Variants in NUMA1 observed in about 807,000 individuals in gnomAD.
NUMA1 encodes nuclear mitotic apparatus protein 1.
Under a neutral mutation model 237.1 loss-of-function variants are expected in NUMA1, and 62 were observed. The ratio of observed to expected loss-of-function variants is 0.26; its 90% CI spans 0.21 to 0.32. The LOEUF (loss-of-function observed/expected upper bound fraction) is 0.32, where lower values mean the gene tolerates loss of function less well. NUMA1 is among the 10% of genes least tolerant of loss of function. The pLI, the probability that NUMA1 is intolerant of heterozygous loss-of-function variation, is 1.00. For missense variants in NUMA1, 2,533 were observed against 2,666.5 expected, an observed-to-expected ratio of 0.95 and a Z score of 1.10; for synonymous variants, 1,028 against 1,066.1, an observed-to-expected ratio of 0.96 and a Z score of 0.70.
At chr11:72,004,487 C>T in intron 24 of NUMA1, 146 bp from the exon 25 acceptor site, 2 of 1,198,138 alleles carry the variant, frequency 1.7e-6, no homozygotes, top group South Asian at 1.3e-5. Context: ...TCCTTCCCTT[C>T]CCAACAGTTC....
intron 1 of NUMA1, among the ~76,000 whole-genome samples, chr11:72,075,244 C>G (rs1327631744): frequency 6.6e-6 from 1 of 152,110 alleles, no homozygotes; most frequent in Non-Finnish European, 1.5e-5. Context: ...ATGCTGGGGC[C>G]TGGACTCCAC....
At chr11:72,079,370 G>A (rs1943910982) in intron 1 of NUMA1, among the ~76,000 whole-genome samples, 1 of 152,138 alleles carries the variant, frequency 6.6e-6, no homozygotes, top group Admixed American at 6.5e-5. Context: ...GTGAAACCCT[G>A]TGTCTACTAA....
Position 72,015,026 on chromosome 11 carries a change from T to C in NUMA1, c.2477A>G (p.Gln826Arg). 1.2e-6 allele frequency: 2 copies of C among 1,614,144 alleles called. No individual in the cohort carries two copies. Among genetic ancestry groups the C allele is most frequent in the Non-Finnish European group, 1.7e-6 (2 of 1,180,042 alleles). ...RYEDSQQEEA[Q>R]YGAMFQEQLM... ...CTGTTCCTGGAACATGGCGCCATACTGTGCCTCCTCTTGCTGGCTATCCTC... is the reference window on the plus strand; with the variant it reads ...CTGTTCCTGGAACATGGCGCCATACCGTGCCTCCTCTTGCTGGCTATCCTC... Residue 826 changes from glutamine (Q) to arginine (R), a missense_variant, in exon 15 of 27, where the codon CAG becomes CGG. Physicochemically the swap from Gln to Arg is conservative, Grantham distance 43. Coordinates refer to ENST00000393695, the MANE Select transcript of NUMA1 (RefSeq NM_006185.4). The surrounding 1 kb of genome is among the most constrained non-coding windows in gnomAD (Gnocchi z 4.0).
At chr11:72,038,740 G>A (rs933586372) in intron 2 of NUMA1, among the ~76,000 whole-genome samples, 1 of 151,934 alleles carries the variant, frequency 6.6e-6, no homozygotes, top group African/African-American at 2.4e-5. Flanking sequence ...CCATTTCACA[G>A]AAGGATCTGC....
At chr11:72,023,898 A>G (rs969555427) in intron 5 of NUMA1, among the ~76,000 whole-genome samples, 1 of 152,226 alleles carries the variant, frequency 6.6e-6, no homozygotes, top group South Asian at 2.1e-4. Flanking sequence ...CAATTAATTC[A>G]AAGTTATCTG....
intron 13 of NUMA1, 27 bp downstream of exon 13, chr11:72,017,660 G>C (rs199593510): frequency 1.9e-6 from 3 of 1,611,652 alleles, no homozygotes; most frequent in Admixed American, 3.3e-5. Flanking sequence ...GGTCAAGACT[G>C]TGGCTGTGAC....
intron 1 of NUMA1, among the ~76,000 whole-genome samples, chr11:72,078,355 T>C (rs925853062): frequency 6.6e-6 from 1 of 152,248 alleles, no homozygotes; most frequent in Non-Finnish European, 1.5e-5. Context: ...CAAAAGTAAC[T>C]GTGGTTTTTG....
chr11:72,005,980 C>T, intron 22 of NUMA1, 55 bp downstream of exon 22: 5 of 1,398,820 alleles, frequency 3.6e-6, no homozygotes, highest in East Asian at 2.3e-5. Context: ...CCCTGTGCCA[C>T]GATCCACCTT....
Position 72,015,678 on chromosome 11 carries a change from G to A in NUMA1, c.1825C>T (p.Leu609=). Residue 609 remains leucine, a synonymous_variant, in exon 15 of 27, where the codon CTG becomes TTG. Transcript: ENST00000393695. The surrounding 1 kb of genome is among the most constrained non-coding windows in gnomAD (Gnocchi z 4.0). The stretch of plus-strand genomic sequence containing the variant: ...AGCTTGGCAGCCTTCTCCTTCTCCA[G>A]TGCCTCCAGCTGCTTGAGAGCCGCA... ...RDAALKQLEA[L]EKEKAAKLEI... 2 of 1,613,962 alleles carry A rather than the reference G, an allele frequency of 1.2e-6. No individual in the cohort carries two copies. Among genetic ancestry groups the A allele is most frequent in the Non-Finnish European group, 1.7e-6 (2 of 1,180,036 alleles).
rs1314860916 is a variant in NUMA1, at chr11:72,009,201, G to A, written c.4840-16C>T. On this transcript the variant is annotated splice_polypyrimidine_tract_variant and intron_variant, in intron 18 of 26. Transcript: ENST00000393695. ...CTTTCTCCATCTGTGGGCAGAGAGGGTGGGTGGGTGGGGTAGAGGTTGAAG... is the reference window on the plus strand; with the variant it reads ...CTTTCTCCATCTGTGGGCAGAGAGGATGGGTGGGTGGGGTAGAGGTTGAAG... 1 of 658,416 alleles carries A rather than the reference G, an allele frequency of 1.5e-6. No individual in the cohort carries two copies. The highest frequency in any genetic ancestry group is 2.4e-6 in the Non-Finnish European group (1 of 412,896). 40.8% of individuals were successfully genotyped at this position (658,416 alleles called of 1,614,324 possible). A position where few individuals can be genotyped will look rare whatever the true frequency, so the allele number is the denominator to read the frequency against.
At chr11:72,023,836 G>A (rs117490669) in intron 5 of NUMA1, among the ~76,000 whole-genome samples, 372 of 152,232 alleles carry the variant, frequency 2.4e-3, no homozygotes, top group Middle Eastern at 0.01. Flanking sequence ...AAGCAGTGAG[G>A]GGGGTCAAGA....
intron 8 of NUMA1, among the ~76,000 whole-genome samples, chr11:72,019,835 T>C (rs1938496258): frequency 6.6e-6 from 1 of 152,312 alleles, no homozygotes; most frequent in Middle Eastern, 3.4e-3. Context: ...AGGGCTTCCA[T>C]TTCTACAGAG....
rs199958172 is a variant in NUMA1, at chr11:72,019,569, G to T, written c.509C>A (p.Pro170Gln). 6.2e-7 allele frequency: 1 copy of T among 1,614,008 alleles called. No individual in the cohort carries two copies. The highest frequency in any genetic ancestry group is 1.3e-5 in the African/African-American group (1 of 75,064). ...CSSTFPEELSPPSHQAKREIR... is the reference protein window; with the variant it reads ...CSSTFPEELSQPSHQAKREIR... ...CTCCCTCTTGGCCTGGTGGCTAGGT[G>T]GGGAGAGCTCTTCAGGGAATGTGCT... Residue 170 changes from proline to glutamine, a missense_variant, in exon 9 of 27, where the codon CCA becomes CAA. This residue lies in a region of NUMA1 where 1,414 missense variants were observed against 1,508.1 expected (regional missense o/e 0.94). Transcript: ENST00000393695.
intron 8 of NUMA1, chr11:72,020,922 C>T (rs1000526484): frequency 6.1e-6 from 2 of 327,108 alleles, no homozygotes; most frequent in Non-Finnish European, 1.1e-5. Context: ...GCTTCTAAGC[C>T]TAGAGTAATG....
At position 72,060,574 on chromosome 11, in the gene NUMA1, C is replaced by G. The variant is rs367761041; in HGVS notation, c.-33+9268G>C. 3.3e-4 allele frequency among the ~76,000 whole-genome samples: 50 copies of G among 151,910 alleles called. No individual in the cohort carries two copies. The East Asian group carries it at 8.4e-3, about 26-fold the overall frequency. ...GGGAGGACTGCTTGAGCCTGGGAGG[C>G]CAAGGCCGTGGTGAACTGCCATTGT... On this transcript the variant is annotated intron_variant, in intron 2 of 26. Transcript: ENST00000393695.
At chr11:72,059,156 G>C (rs1194093927) in intron 2 of NUMA1, among the ~76,000 whole-genome samples, 2 of 152,144 alleles carry the variant, frequency 1.3e-5, no homozygotes, top group East Asian at 1.9e-4. Flanking sequence ...TCACATACAG[G>C]TATGTGTGTT....
Position 72,006,282 on chromosome 11 carries a change from CTG to C in NUMA1, c.5464-21_5464-20del, listed in dbSNP as rs1565188969. The C allele has an allele frequency of 1.9e-6, 3 of 1,609,100 alleles. No individual in the cohort carries two copies. The Admixed American group carries it at 5.0e-5, about 27-fold the overall frequency. On this transcript the variant is annotated intron_variant, in intron 21 of 26. Coordinates refer to ENST00000393695, the MANE Select transcript of NUMA1 (RefSeq NM_006185.4). ...CTAGCTTCTGGAAGACAGAGTGAAT[CTG>C]TTGCAGTGTACAGTCCCTGGCACTG...
chr11:72,044,608 G>C (rs944963229), intron 2 of NUMA1, among the ~76,000 whole-genome samples: 12 of 151,772 alleles, frequency 7.9e-5, no homozygotes, highest in Non-Finnish European at 1.3e-4. Context: ...ACTTTGGGGG[G>C]GGGGAGGAGT....
intron 7 of NUMA1, chr11:72,022,107 C>A: frequency 2.4e-6 from 1 of 409,318 alleles, no homozygotes; most frequent in Non-Finnish European, 4.4e-6. Context: ...TAAAAAAGGA[C>A]TTGAAAGTAC....
Sources: gnomAD v4.1 joint callset for allele counts (sites outside exome capture counted in the v4.1 genomes callset) on GRCh38, gnomAD v4.1.1 for gene constraint, gnomAD v4.1.1 regional missense constraint, Gnocchi (gnomAD v3.1) non-coding constraint, MANE v1.5 for transcripts, NCBI Gene and HGNC (gene_info 2026-07-23, HGNC 2026-07-21) for gene names.